TAX1BP1: variants seen among roughly 807,000 people sequenced by gnomAD.
TAX1BP1 encodes tax1-binding protein 1.
A neutral mutation model predicts 97.7 loss-of-function variants in TAX1BP1; 62 were observed. The ratio of observed to expected loss-of-function variants is 0.63; its 90% CI spans 0.52 to 0.78. The LOEUF (loss-of-function observed/expected upper bound fraction) is 0.78, where lower values mean the gene tolerates loss of function less well. Among genes scored for constraint, TAX1BP1 ranks in the 30% least tolerant of loss-of-function variants. TAX1BP1 has a pLI of 0.00. For synonymous variants in TAX1BP1, 340 were observed against 304.2 expected, an observed-to-expected ratio of 1.12 and a Z score of -1.23; for missense variants, 867 against 916.1, an observed-to-expected ratio of 0.95 and a Z score of 0.69.
At chr7:27,800,930 CT>C (rs1481062099) in intron 13 of TAX1BP1, among the ~76,000 whole-genome samples, 32 of 152,072 alleles carry the variant, frequency 2.1e-4, no homozygotes, top group African/African-American at 7.7e-4. Context: ...TAGTGAAACC[CT>C]GTCTCTACTA....
intron 8 of TAX1BP1, among the ~76,000 whole-genome samples, chr7:27,791,146 A>G (rs1040268616): frequency 2.6e-5 from 4 of 152,020 alleles, no homozygotes; most frequent in African/African-American, 9.7e-5. Flanking sequence ...AGGTAGATCT[A>G]TTAGTGTGAT....
chr7:27,758,195 G>A, intron 3 of TAX1BP1, 62 bp downstream of exon 3: 1 of 1,276,670 alleles, frequency 7.8e-7, no homozygotes, highest in East Asian at 2.3e-5. Context: ...TAAAGATGTT[G>A]TACTCCATTG....
rs534603306 is a variant in TAX1BP1 at position 27,793,124 on chromosome 7, G to A, written c.1322G>A (p.Arg441His). 12 of 1,605,514 alleles carry A rather than the reference G, an allele frequency of 7.5e-6. No individual in the cohort carries two copies. In the Admixed American group the frequency reaches 1.0e-4, roughly 14 times the overall value. ...LRREVEDLKL[R>H]LQMAADHYKE... ...AGAGAAGTTGAAGATCTGAAACTCC[G>A]TCTTCAGATGGCTGCAGACCATTAT... The change falls in exon 10 of 17, where the codon CGT becomes CAT. Residue 441 changes from arginine to histidine, a missense_variant. Physicochemically the swap from Arg to His is conservative, Grantham distance 29. Transcript: ENST00000396319.
chr7:27,757,349 G>T (rs181516136), intron 2 of TAX1BP1, among the ~76,000 whole-genome samples: 1 of 152,070 alleles, frequency 6.6e-6, no homozygotes, highest in African/African-American at 2.4e-5. Flanking sequence ...TGGTCTGTTT[G>T]TGCATATATA....
At chr7:27,807,015 A>C (rs1790364444) in intron 13 of TAX1BP1, among the ~76,000 whole-genome samples, 1 of 152,068 alleles carries the variant, frequency 6.6e-6, no homozygotes, top group Admixed American at 6.6e-5. Context: ...TCCTCTTGAA[A>C]ATGGGATTTT....
intron 5 of TAX1BP1, among the ~76,000 whole-genome samples, chr7:27,782,503 GC>G (rs1055795810): frequency 1.3e-5 from 2 of 151,994 alleles, no homozygotes; most frequent in African/African-American, 4.8e-5. Context: ...ACCCACCTAG[GC>G]CCCCCAAAGT....
At position 27,742,016 on chromosome 7, in the gene TAX1BP1, G is replaced by A. The variant is rs1787629839; in HGVS notation, c.-8+1747G>A. On this transcript the variant is annotated intron_variant, in intron 1 of 16. Coordinates refer to ENST00000396319, the MANE Select transcript of TAX1BP1 (RefSeq NM_006024.7). ...CAATGCTTTACAAAGCAGTATTGCT[G>A]CCCACATGTCCCACCTCCAGCCCTA... Among the ~76,000 whole-genome samples, 4 of 152,204 alleles carry A rather than the reference G, an allele frequency of 2.6e-5. No homozygotes were observed. In the South Asian group the frequency reaches 8.3e-4, roughly 32 times the overall value.
At chr7:27,782,882 C>G (rs1204042808) in intron 5 of TAX1BP1, among the ~76,000 whole-genome samples, 1 of 151,984 alleles carries the variant, frequency 6.6e-6, no homozygotes, top group Admixed American at 6.6e-5. Flanking sequence ...TGTTTATAAT[C>G]AGAATTTTAT....
In TAX1BP1 at chr7:27,829,147, AC is replaced by A. The variant is rs1200064550; in HGVS notation, c.*319del. 1 of 217,736 alleles carries A rather than the reference AC, an allele frequency of 4.6e-6. No homozygotes were observed. Among genetic ancestry groups the A allele is most frequent in the Non-Finnish European group, 9.0e-6 (1 of 111,396 alleles). 13.5% of individuals were successfully genotyped at this position (217,736 alleles called of 1,614,324 possible). On this transcript the variant is annotated 3_prime_UTR_variant, in exon 17 of 17. Coordinates refer to ENST00000396319, the MANE Select transcript of TAX1BP1 (RefSeq NM_006024.7). Reference sequence around the variant, plus strand: ...TATTTCAATGTTACTGCACTGAAAAACGTGTATGTATTAGTGTGCTAGATTA... The same window carrying A: ...TATTTCAATGTTACTGCACTGAAAAAGTGTATGTATTAGTGTGCTAGATTA...
At chr7:27,812,241 T>A (rs1458196214) in intron 13 of TAX1BP1, among the ~76,000 whole-genome samples, 1 of 152,238 alleles carries the variant, frequency 6.6e-6, no homozygotes, top group South Asian at 2.1e-4. Context: ...TTAATTTCCC[T>A]GATAACTAGT....
At chr7:27,825,235 CT>C (rs767330487) in intron 15 of TAX1BP1, among the ~76,000 whole-genome samples, 3,486 of 139,350 alleles carry the variant, frequency 0.025, 41 homozygotes, top group South Asian at 0.037. Flanking sequence ...TTCCCAGTAG[CT>C]TTTTTTTTTT....
At chr7:27,804,193 C>T (rs574404320) in intron 13 of TAX1BP1, among the ~76,000 whole-genome samples, 1 of 152,110 alleles carries the variant, frequency 6.6e-6, no homozygotes, top group African/African-American at 2.4e-5. Context: ...TTAGAAGATC[C>T]ACATAACTCA....
At chr7:27,781,826 C>T (rs542140777) in intron 5 of TAX1BP1, among the ~76,000 whole-genome samples, 175 of 151,912 alleles carry the variant, frequency 1.2e-3, no homozygotes, top group African/African-American at 4.0e-3. Context: ...TCAGGTGATT[C>T]TTGTGCCTCA....
At chr7:27,805,874 G>A (rs1350926280) in intron 13 of TAX1BP1, among the ~76,000 whole-genome samples, 3 of 152,146 alleles carry the variant, frequency 2.0e-5, no homozygotes, top group African/African-American at 4.8e-5. Context: ...ATATTCTTGG[G>A]CCCTGTTCTG....
At chr7:27,769,980 A>G in intron 5 of TAX1BP1, 146 bp downstream of exon 5, 1 of 685,114 alleles carries the variant, frequency 1.5e-6, no homozygotes, top group South Asian at 1.9e-5. Flanking sequence ...AGAACAGGTC[A>G]GTTCCTATTA....
chr7:27,771,555 TTC>T (rs1213354128), intron 5 of TAX1BP1, among the ~76,000 whole-genome samples: 1 of 151,990 alleles, frequency 6.6e-6, no homozygotes, highest in Non-Finnish European at 1.5e-5. Flanking sequence ...CAGTCTCAGA[TTC>T]TCTGTGCTCT....
intron 1 of TAX1BP1, among the ~76,000 whole-genome samples, chr7:27,745,102 C>T (rs1787769870): frequency 6.6e-6 from 1 of 152,156 alleles, no homozygotes; most frequent in African/African-American, 2.4e-5. Context: ...TTACTATACT[C>T]CTGTTTGTAG....
At chr7:27,803,189 CA>C in intron 13 of TAX1BP1, 1 of 1,527,696 alleles carries the variant, frequency 6.5e-7, no homozygotes, top group South Asian at 1.3e-5. Flanking sequence ...AGGTATTGAG[CA>C]ATGTAGTTAA....
intron 5 of TAX1BP1, among the ~76,000 whole-genome samples, chr7:27,782,545 G>A (rs560295516): frequency 7.2e-5 from 11 of 152,048 alleles, no homozygotes; most frequent in Admixed American, 3.3e-4. Context: ...CTGCCACACC[G>A]GCCAAATATT....
Sources: allele counts gnomAD v4.1 joint callset (sites outside exome capture counted in the v4.1 genomes callset), GRCh38; gene constraint gnomAD v4.1.1; transcripts MANE v1.5; gene names NCBI Gene and HGNC (gene_info 2026-07-23, HGNC 2026-07-21).